Variants in PLEKHA5 observed in about 807,000 individuals in gnomAD.
PLEKHA5 encodes pleckstrin homology domain containing A5.
In PLEKHA5, 55 loss-of-function variants were observed where a neutral mutation model predicts 181.9. The ratio of observed to expected loss-of-function variants is 0.30; its 90% CI spans 0.24 to 0.38. The LOEUF is 0.38. Ranked by LOEUF, PLEKHA5 falls within the 10% of genes least tolerant of loss-of-function variation. The pLI is 1.00. For synonymous variants in PLEKHA5, 535 were observed against 529.4 expected, an observed-to-expected ratio of 1.01 and a Z score of -0.15; for missense variants, 1,432 against 1,549.5, an observed-to-expected ratio of 0.92 and a Z score of 1.27.
At chr12:19,283,149 CAAAAAA>C (rs34391812) in intron 11 of PLEKHA5, 125 bp from the exon 12 acceptor site, 50 of 204,050 alleles carry the variant, frequency 2.5e-4, no homozygotes, top group South Asian at 9.5e-4. Context: ...TCTTGTCTCC[CAAAAAA>C]AAAAAAAAAA....
At chr12:19,330,879 T>C (rs977626903) in intron 20 of PLEKHA5, among the ~76,000 whole-genome samples, 21 of 152,164 alleles carry the variant, frequency 1.4e-4, no homozygotes, top group African/African-American at 4.6e-4. Context: ...TAATTTGTAA[T>C]ATTACTTAAA....
intron 3 of PLEKHA5, chr12:19,151,453 G>T (rs1327677667): frequency 1.4e-5 from 1 of 69,232 alleles, no homozygotes; most frequent in Admixed American, 2.1e-4. Context: ...CTAGAGAAAG[G>T]TGACCCTGGG....
At chr12:19,315,205 G>C (rs1214401166) in intron 16 of PLEKHA5, among the ~76,000 whole-genome samples, 4 of 152,026 alleles carry the variant, frequency 2.6e-5, no homozygotes, top group Non-Finnish European at 5.9e-5. Context: ...TTTTCATATG[G>C]TTTTATTAAC....
At chr12:19,270,623 A>G (rs2072377877) in intron 10 of PLEKHA5, among the ~76,000 whole-genome samples, 1 of 152,152 alleles carries the variant, frequency 6.6e-6, no homozygotes, top group Non-Finnish European at 1.5e-5. Flanking sequence ...CAGTATAGCT[A>G]GTTAGAGGAA....
chr12:19,145,052 A>G (rs2151194066), intron 3 of PLEKHA5, among the ~76,000 whole-genome samples: 1 of 152,338 alleles, frequency 6.6e-6, no homozygotes, highest in South Asian at 2.1e-4. Context: ...TCCCACTGAT[A>G]AATGACACAG....
chr12:19,370,942 T>C (rs1301622000), intron 31 of PLEKHA5: 2 of 152,052 alleles, frequency 1.3e-5, no homozygotes, highest in African/African-American at 2.4e-5. Flanking sequence ...TCCCACTGCA[T>C]GAGCCACTGT....
chr12:19,140,668 C>G (rs2036991341), intron 3 of PLEKHA5, among the ~76,000 whole-genome samples: 1 of 152,202 alleles, frequency 6.6e-6, no homozygotes, highest in Non-Finnish European at 1.5e-5. Context: ...GTAAGAAAAG[C>G]AAGCCTCTTT....
chr12:19,287,658 C>T (rs1254478967), intron 13 of PLEKHA5, 102 bp downstream of exon 13: 8 of 701,830 alleles, frequency 1.1e-5, no homozygotes, highest in Middle Eastern at 2.5e-4. Context: ...AGAGGTTCTC[C>T]CAAAGAAAAA....
At chr12:19,220,944 A>T (rs1203980570) in intron 3 of PLEKHA5, among the ~76,000 whole-genome samples, 5 of 152,192 alleles carry the variant, frequency 3.3e-5, no homozygotes, top group African/African-American at 4.8e-5. Context: ...ATTGCAAATT[A>T]AATAACAGTG....
At chr12:19,157,101 C>CACACAT (rs2041946183) in intron 3 of PLEKHA5, among the ~76,000 whole-genome samples, 1 of 149,274 alleles carries the variant, frequency 6.7e-6, no homozygotes, top group African/African-American at 2.5e-5. Flanking sequence ...TGTACATACA[C>CACACAT]ACACACACAC....
At chr12:19,258,241 G>C (rs1382246230) in intron 6 of PLEKHA5, among the ~76,000 whole-genome samples, 2 of 152,036 alleles carry the variant, frequency 1.3e-5, no homozygotes, top group Non-Finnish European at 2.9e-5. Flanking sequence ...CGATTACATA[G>C]AGGCTATTTA....
chr12:19,162,241 C>T (rs1231174683), intron 3 of PLEKHA5, among the ~76,000 whole-genome samples: 1 of 152,068 alleles, frequency 6.6e-6, no homozygotes, highest in African/African-American at 2.4e-5. Context: ...TTATTTATTT[C>T]AGTGGATAGT....
intron 6 of PLEKHA5, among the ~76,000 whole-genome samples, chr12:19,260,082 G>A (rs992380795): frequency 6.6e-6 from 1 of 151,466 alleles, no homozygotes; most frequent in Non-Finnish European, 1.5e-5. Flanking sequence ...ATATTTTAAT[G>A]AACTAAATTA....
At chr12:19,227,012 G>C (rs891815673) in intron 3 of PLEKHA5, among the ~76,000 whole-genome samples, 2 of 151,998 alleles carry the variant, frequency 1.3e-5, no homozygotes, top group African/African-American at 4.8e-5. Flanking sequence ...TATCCTTCCA[G>C]TTCCCAGTTC....
intron 3 of PLEKHA5, among the ~76,000 whole-genome samples, chr12:19,216,487 A>T (rs1487318002): frequency 6.6e-6 from 1 of 152,060 alleles, no homozygotes; most frequent in Non-Finnish European, 1.5e-5. Flanking sequence ...ACATGCCGAA[A>T]CCCCATCTCT....
At chr12:19,296,888 C>T (rs549409718) in intron 15 of PLEKHA5, among the ~76,000 whole-genome samples, 1 of 152,290 alleles carries the variant, frequency 6.6e-6, no homozygotes, top group African/African-American at 2.4e-5. Context: ...CTCCATATTC[C>T]TCACGTCTAT....
chr12:19,207,055 A>G (rs2152120114), intron 3 of PLEKHA5, among the ~76,000 whole-genome samples: 1 of 152,272 alleles, frequency 6.6e-6, no homozygotes, highest in Non-Finnish European at 1.5e-5. Context: ...ATTTTTTTCA[A>G]CTAAAATATT....
chr12:19,201,590 GA>G (rs2054219088), intron 3 of PLEKHA5: 1 of 152,036 alleles, frequency 6.6e-6, no homozygotes, highest in Admixed American at 6.6e-5. Flanking sequence ...TGTGAATGGA[GA>G]GACAAAATGT....
At chr12:19,309,810 T>A (rs1405809788) in intron 15 of PLEKHA5, among the ~76,000 whole-genome samples, 1 of 152,150 alleles carries the variant, frequency 6.6e-6, no homozygotes, top group Admixed American at 6.5e-5. Flanking sequence ...GCAGTAGTAT[T>A]CTTAGGCACA....
Sources: gnomAD v4.1 joint callset for allele counts (sites outside exome capture counted in the v4.1 genomes callset) on GRCh38, gnomAD v4.1.1 for gene constraint, MANE v1.5 for transcripts, NCBI Gene and HGNC (gene_info 2026-07-23, HGNC 2026-07-21) for gene names.